The following ROBO1 variants were observed in gnomAD, a reference collection of about 807,000 sequenced individuals.
The protein encoded by ROBO1 is roundabout guidance receptor 1, also known as roundabout homolog 1.
A neutral mutation model predicts 195.9 loss-of-function variants in ROBO1; 149 were observed. That is an observed-to-expected ratio of 0.76 (90% CI 0.67 to 0.87). The LOEUF (loss-of-function observed/expected upper bound fraction) is 0.87. Ranked by LOEUF, ROBO1 falls within the 40% of genes least tolerant of loss-of-function variation. ROBO1 has a pLI of 0.00. For synonymous variants in ROBO1, 816 were observed against 733.2 expected, an observed-to-expected ratio of 1.11 and a Z score of -1.82; for missense variants, 1,933 against 2,068.3, an observed-to-expected ratio of 0.93 and a Z score of 1.27.
intron 2 of ROBO1, among the ~76,000 whole-genome samples, chr3:79,529,497 T>TA (rs1433361364): frequency 3.3e-5 from 5 of 151,390 alleles, no homozygotes; most frequent in African/African-American, 1.2e-4. Flanking sequence ...ACAACAACAA[T>TA]AAAAAAAAGA....
chr3:79,281,005 CAAGT>C (rs2109001229), intron 2 of ROBO1, among the ~76,000 whole-genome samples: 1 of 152,192 alleles, frequency 6.6e-6, no homozygotes, highest in African/African-American at 2.4e-5. Context: ...GACAATACTA[CAAGT>C]AATAAAAATA....
chr3:78,635,869 C>A lies in ROBO1; in HGVS notation c.3277G>T (p.Asp1093Tyr), dbSNP rs368798050. 1 of 1,613,776 alleles carries A rather than the reference C, an allele frequency of 6.2e-7. No homozygotes were observed. Among genetic ancestry groups the A allele is most frequent in the Non-Finnish European group, 8.5e-7 (1 of 1,179,850 alleles). The change falls in exon 23 of 31, where the codon GAC (aspartate) becomes TAC (tyrosine). Residue 1093 changes from aspartate (D) to tyrosine (Y), a missense_variant. Asp to Tyr is a radical substitution (Grantham distance 160). This residue lies in a region of ROBO1 where 1,737 missense variants were observed against 1,882.5 expected (regional missense o/e 0.92). Transcript: ENST00000464233. Reference sequence around the variant, plus strand: ...GGTTTCCAGTGCTTCTCGCCAGAGTCCCCGCTGCCATTGTTCATGTTGTTG... The same window carrying A: ...GGTTTCCAGTGCTTCTCGCCAGAGTACCCGCTGCCATTGTTCATGTTGTTG... ...LSNNMNNGSG[D>Y]SGEKHWKPLG...
chr3:78,926,404 T>C (rs546626072), intron 4 of ROBO1, among the ~76,000 whole-genome samples: 2 of 152,074 alleles, frequency 1.3e-5, no homozygotes, highest in African/African-American at 2.4e-5. Flanking sequence ...TGGAGATAAG[T>C]GGGAAAATAC....
intron 1 of ROBO1, among the ~76,000 whole-genome samples, chr3:79,747,256 A>C (rs1314658766): frequency 1.3e-5 from 2 of 152,060 alleles, no homozygotes; most frequent in East Asian, 1.9e-4. Flanking sequence ...TATTTTGAAA[A>C]TATGTTTGTT....
chr3:79,640,811 T>C (rs1945637267), intron 1 of ROBO1, among the ~76,000 whole-genome samples: 1 of 152,182 alleles, frequency 6.6e-6, no homozygotes, highest in Non-Finnish European at 1.5e-5. Flanking sequence ...ACATTACCTA[T>C]ACAATGGATT....
chr3:79,557,739 A>T lies in ROBO1; in HGVS notation c.88+32085T>A, dbSNP rs920968200. Among the ~76,000 whole-genome samples the T allele has an allele frequency of 8.8e-3, 1,239 of 140,042 alleles. 43 individuals are homozygous for T. Among genetic ancestry groups the T allele is most frequent in the African/African-American group, 0.03 (1,082 of 36,286 alleles). The allele number at this position is 140,042 out of a possible 152,430, so 91.9% of individuals were successfully genotyped here. A position where few individuals can be genotyped will look rare whatever the true frequency, so the allele number is the denominator to read the frequency against. On this transcript the variant is annotated intron_variant, in intron 2 of 30. Coordinates refer to ENST00000464233, the MANE Select transcript of ROBO1 (RefSeq NM_002941.4). Reference sequence around the variant, plus strand: ...CAGAGCGAGACTGTCTTAAAACAAAAAAAAATATATATATATATATATATA... The same window carrying T: ...CAGAGCGAGACTGTCTTAAAACAAATAAAAATATATATATATATATATATA...
intron 1 of ROBO1, among the ~76,000 whole-genome samples, chr3:79,628,679 T>C (rs1476891190): frequency 1.3e-5 from 2 of 152,100 alleles, no homozygotes; most frequent in Non-Finnish European, 2.9e-5. Context: ...ATGGCCTAAA[T>C]GCTCCACTTA....
At chr3:79,075,255 G>C (rs1263232071) in intron 3 of ROBO1, among the ~76,000 whole-genome samples, 1 of 151,846 alleles carries the variant, frequency 6.6e-6, no homozygotes, top group Non-Finnish European at 1.5e-5. Context: ...ACGTGCCAAG[G>C]ATTAATTGAG....
chr3:79,170,476 T>A (rs1417738102), intron 2 of ROBO1, among the ~76,000 whole-genome samples: 1 of 152,190 alleles, frequency 6.6e-6, no homozygotes, highest in Non-Finnish European at 1.5e-5. Context: ...CTAAGAATTT[T>A]AAAATATTTT....
At chr3:79,018,430 A>C in intron 3 of ROBO1, 1 of 1,613,838 alleles carries the variant, frequency 6.2e-7, no homozygotes, top group Non-Finnish European at 8.5e-7. Flanking sequence ...TATTAATCCA[A>C]ACAGGTAAAA....
chr3:79,294,981 C>A (rs894701301), intron 2 of ROBO1, among the ~76,000 whole-genome samples: 11 of 152,212 alleles, frequency 7.2e-5, no homozygotes, highest in African/African-American at 2.6e-4. Context: ...GAAATAGGAA[C>A]GTTTTTACAC....
intron 3 of ROBO1, among the ~76,000 whole-genome samples, chr3:78,955,195 G>T (rs969984545): frequency 1.3e-5 from 2 of 150,788 alleles, no homozygotes; most frequent in South Asian, 2.1e-4. Flanking sequence ...GTATCATGGG[G>T]TTATATAGGT....
chr3:78,926,540 G>A (rs1226833417), intron 4 of ROBO1, among the ~76,000 whole-genome samples: 2 of 152,074 alleles, frequency 1.3e-5, no homozygotes, highest in African/African-American at 2.4e-5. Context: ...CATTATCATC[G>A]TTAGGAAATA....
intron 3 of ROBO1, among the ~76,000 whole-genome samples, chr3:79,050,627 C>A (rs564513361): frequency 1.3e-5 from 2 of 152,262 alleles, no homozygotes; most frequent in African/African-American, 4.8e-5. Flanking sequence ...CACCGTATGG[C>A]ACTTATTCTA....
chr3:78,603,581 C>T (rs977103418), intron 29 of ROBO1, among the ~76,000 whole-genome samples: 24 of 152,034 alleles, frequency 1.6e-4, no homozygotes, highest in African/African-American at 5.3e-4. Context: ...ATTGAACTAA[C>T]GGAGGCAAAT....
intron 3 of ROBO1, among the ~76,000 whole-genome samples, chr3:78,952,744 A>G (rs1012354608): frequency 3.3e-5 from 5 of 152,112 alleles, no homozygotes; most frequent in African/African-American, 1.2e-4. Context: ...TAGTACATGA[A>G]TACAAGGAAA....
At chr3:79,499,813 T>TTTAATTTAATTAATTGATTGA (rs756412232) in intron 2 of ROBO1, among the ~76,000 whole-genome samples, 75 of 152,228 alleles carry the variant, frequency 4.9e-4, no homozygotes, top group Non-Finnish European at 7.9e-4. Context: ...CTGGGCAAGT[T>TTTAATTTAATTAATTGATTGA]TTAATTTAAT....
chr3:79,023,251 T>C (rs2078136653), intron 3 of ROBO1, among the ~76,000 whole-genome samples: 1 of 152,210 alleles, frequency 6.6e-6, no homozygotes, highest in Non-Finnish European at 1.5e-5. Context: ...TTACATGAAA[T>C]TGCTGAGTAA....
In ROBO1 at chr3:78,700,821, T is replaced by G. The variant is rs528993373; in HGVS notation, c.1046-12049A>C. On this transcript the variant is annotated intron_variant, in intron 8 of 30. Transcript: ENST00000464233. Reference sequence around the variant, plus strand: ...TCTTGTCTCCCAGGCTGGAGTGCAGTGTCGCGATCCCAGCTCACTGCAACC... The same window carrying G: ...TCTTGTCTCCCAGGCTGGAGTGCAGGGTCGCGATCCCAGCTCACTGCAACC... Among the ~76,000 whole-genome samples, 5 of 151,502 alleles carry G rather than the reference T, an allele frequency of 3.3e-5. No individual in the cohort carries two copies. The South Asian group carries it at 1.0e-3, about 32-fold the overall frequency.
Sources: gnomAD v4.1 joint callset for allele counts (sites outside exome capture counted in the v4.1 genomes callset) on GRCh38, gnomAD v4.1.1 for gene constraint, gnomAD v4.1.1 regional missense constraint, MANE v1.5 for transcripts, NCBI Gene and HGNC (gene_info 2026-07-23, HGNC 2026-07-21) for gene names.